DPP6: variants seen among roughly 807,000 people sequenced by gnomAD.
The protein encoded by DPP6 is dipeptidyl peptidase like 6, also known as A-type potassium channel modulatory protein DPP6.
In DPP6, 69 loss-of-function variants were observed where a neutral mutation model predicts 122.6. The observed-to-expected ratio is 0.56, with a 90% confidence interval of 0.46 to 0.69. DPP6 has a LOEUF of 0.69. Ranked by LOEUF, DPP6 falls within the 30% of genes least tolerant of loss-of-function variation. The pLI is 0.00. For synonymous variants in DPP6, 418 were observed against 433.1 expected (o/e 0.97, Z 0.43); for missense variants, 928 against 1,116.9 (o/e 0.83, Z 2.41).
At chr7:154,617,878 T>C (rs182827473) in intron 5 of DPP6, among the ~76,000 whole-genome samples, 16 of 152,250 alleles carry the variant, frequency 1.1e-4, no homozygotes, top group Non-Finnish European at 5.9e-5. Flanking sequence ...CTCCAGGTCA[T>C]CGGGAGGCGT....
intron 1 of DPP6, among the ~76,000 whole-genome samples, chr7:154,295,153 A>G (rs1031793772): frequency 6.6e-6 from 1 of 152,194 alleles, no homozygotes; most frequent in East Asian, 1.9e-4. Flanking sequence ...GTGAAACATG[A>G]GCATTTTAAA....
intron 7 of DPP6, 125 bp downstream of exon 7, chr7:154,669,566 G>A: frequency 6.8e-6 from 7 of 1,032,704 alleles, no homozygotes; most frequent in Non-Finnish European, 8.0e-6. Context: ...GTGTGTGTGT[G>A]TAAATTAAAA....
chr7:154,300,629 G>A (rs539684032), intron 1 of DPP6, among the ~76,000 whole-genome samples: 1 of 152,090 alleles, frequency 6.6e-6, no homozygotes, highest in Admixed American at 6.6e-5. Flanking sequence ...GACACAGGAC[G>A]TGTGTATACG....
chr7:153,927,824 G>C (rs955830424), intron 1 of DPP6, among the ~76,000 whole-genome samples: 1 of 152,104 alleles, frequency 6.6e-6, no homozygotes. Flanking sequence ...GGTAAGGCAT[G>C]GATACCTTGC....
chr7:154,715,558 A>C (rs1841436712), intron 7 of DPP6, among the ~76,000 whole-genome samples: 1 of 152,188 alleles, frequency 6.6e-6, no homozygotes, highest in Non-Finnish European at 1.5e-5. Flanking sequence ...TTGAATTATG[A>C]GACAATTTTC....
At position 154,638,740 on chromosome 7, in the gene DPP6, G is replaced by T. The variant is rs532268486; in HGVS notation, c.680+867G>T. Among the ~76,000 whole-genome samples the T allele has an allele frequency of 3.0e-4, 45 of 152,268 alleles. 1 individual carries two copies. The South Asian group carries it at 9.1e-3, about 31-fold the overall frequency. On this transcript the variant is annotated intron_variant, in intron 6 of 25. Coordinates refer to ENST00000377770, the MANE Select transcript of DPP6 (RefSeq NM_130797.4). ...GTTGAGTCAGACACAGATGAAAAATGGTTGCAGAACTAGGAAAGTCTGTCG... is the reference window on the plus strand; with the variant it reads ...GTTGAGTCAGACACAGATGAAAAATTGTTGCAGAACTAGGAAAGTCTGTCG...
At chr7:154,778,767 C>CTG (rs1796759698) in intron 10 of DPP6, among the ~76,000 whole-genome samples, 1 of 150,416 alleles carries the variant, frequency 6.6e-6, no homozygotes, top group Non-Finnish European at 1.5e-5. Context: ...ACCACCAGCT[C>CTG]CACCACCATC....
chr7:154,567,497 T>G (rs1445754146), intron 5 of DPP6, among the ~76,000 whole-genome samples: 1 of 152,222 alleles, frequency 6.6e-6, no homozygotes, highest in Admixed American at 6.5e-5. Flanking sequence ...TTCTTCTTGT[T>G]TTTTCATTTG....
At chr7:153,896,765 A>G (rs1351570263) in intron 1 of DPP6, among the ~76,000 whole-genome samples, 1 of 152,244 alleles carries the variant, frequency 6.6e-6, no homozygotes, top group Non-Finnish European at 1.5e-5. Flanking sequence ...GTGGGCCAAG[A>G]TTGTGCCAAT....
intron 1 of DPP6, among the ~76,000 whole-genome samples, chr7:154,402,975 TTC>T (rs1186114913): frequency 2.0e-5 from 3 of 152,168 alleles, no homozygotes; most frequent in African/African-American, 4.8e-5. Flanking sequence ...ACAACTATAG[TTC>T]TTAGTCTCAG....
chr7:154,259,335 C>T (rs1563379627), intron 1 of DPP6, among the ~76,000 whole-genome samples: 1 of 152,198 alleles, frequency 6.6e-6, no homozygotes, highest in Non-Finnish European at 1.5e-5. Flanking sequence ...CCTCCCTCTA[C>T]GGAGCTTACA....
intron 3 of DPP6, among the ~76,000 whole-genome samples, chr7:154,512,606 G>C (rs1028614085): frequency 3.3e-5 from 5 of 152,302 alleles, no homozygotes; most frequent in Admixed American, 3.3e-4. Context: ...AAGGCGATGA[G>C]AACTATCAGA....
chr7:153,836,294 A>T, the DPP6 span, among the ~76,000 whole-genome samples: 2 of 152,180 alleles, frequency 1.3e-5, no homozygotes, highest in Non-Finnish European at 2.9e-5. Context: ...GTTCAGAGAG[A>T]AAATAGATGC....
chr7:154,089,976 C>T (rs1285559889), intron 1 of DPP6, among the ~76,000 whole-genome samples: 1 of 152,200 alleles, frequency 6.6e-6, no homozygotes, highest in Non-Finnish European at 1.5e-5. Flanking sequence ...ATGAGGAATT[C>T]AAGTGAGACC....
At chr7:154,495,809 A>C (rs534684350) in intron 3 of DPP6, among the ~76,000 whole-genome samples, 1 of 152,332 alleles carries the variant, frequency 6.6e-6, no homozygotes, top group East Asian at 1.9e-4. Flanking sequence ...GTCCAACAAC[A>C]AGTGGGCGAG....
intron 1 of DPP6, among the ~76,000 whole-genome samples, chr7:154,308,774 A>T (rs747651532): frequency 5.3e-5 from 8 of 152,214 alleles, no homozygotes; most frequent in Non-Finnish European, 7.3e-5. Flanking sequence ...TGTAGTACAT[A>T]CTGTCTCCAT....
At chr7:154,531,919 A>G (rs1464911895) in intron 3 of DPP6, among the ~76,000 whole-genome samples, 1 of 152,118 alleles carries the variant, frequency 6.6e-6, no homozygotes, top group East Asian at 1.9e-4. Context: ...AAATGCAACT[A>G]AAATAGGAAA....
chr7:154,879,061 C>T (rs1805121844), intron 20 of DPP6, among the ~76,000 whole-genome samples: 1 of 152,216 alleles, frequency 6.6e-6, no homozygotes, highest in Non-Finnish European at 1.5e-5. Flanking sequence ...CTGGGGACAG[C>T]ACCTGCTCAT....
chr7:153,844,327 T>C, the DPP6 span, among the ~76,000 whole-genome samples: 1 of 152,196 alleles, frequency 6.6e-6, no homozygotes, highest in Non-Finnish European at 1.5e-5. Flanking sequence ...CTGATCCTGA[T>C]TGGATTGAAG....
Sources: gnomAD v4.1 joint callset for allele counts (sites outside exome capture counted in the v4.1 genomes callset) on GRCh38, gnomAD v4.1.1 for gene constraint, MANE v1.5 for transcripts, NCBI Gene and HGNC (gene_info 2026-07-23, HGNC 2026-07-21) for gene names.